KCNQ1: variants seen among roughly 807,000 people sequenced by gnomAD.
The protein encoded by KCNQ1 is potassium voltage-gated channel subfamily Q member 1.
A neutral mutation model predicts 72.4 loss-of-function variants in KCNQ1; 49 were observed. That is an observed-to-expected ratio of 0.68 (90% CI 0.54 to 0.86). KCNQ1 has a LOEUF of 0.86. Among genes scored for constraint, KCNQ1 ranks in the 40% least tolerant of loss-of-function variants. KCNQ1 has a pLI of 0.00. For synonymous variants in KCNQ1, 450 were observed against 412.6 expected (o/e 1.09, Z -1.10); for missense variants, 790 against 945.1 (o/e 0.84, Z 2.15).
chr11:2,692,238 C>G (rs1177302469), intron 11 of KCNQ1: 3 of 398,880 alleles, frequency 7.5e-6, no homozygotes, highest in African/African-American at 6.2e-5. Flanking sequence ...CCCATCACCT[C>G]AAGCCCATCA....
rs1846496161 is a variant in KCNQ1, at chr11:2,766,234, A to G, written c.1515-2610A>G. 6.6e-6 allele frequency among the ~76,000 whole-genome samples: 1 copy of G among 152,212 alleles called. No homozygotes were observed. The highest frequency in any genetic ancestry group is 1.5e-5 in the Non-Finnish European group (1 of 68,046). Reference sequence around the variant, plus strand: ...AAATATTCTGAAGCAAAGCACAATCATCTGTTAGCTCACAAATCTATGGGT... The same window carrying G: ...AAATATTCTGAAGCAAAGCACAATCGTCTGTTAGCTCACAAATCTATGGGT... On this transcript the variant is annotated intron_variant, in intron 11 of 15. Coordinates refer to ENST00000155840, the MANE Select transcript of KCNQ1 (RefSeq NM_000218.3). The surrounding 1 kb of genome is among the most constrained non-coding windows in gnomAD (Gnocchi z 4.4).
intron 11 of KCNQ1, among the ~76,000 whole-genome samples, chr11:2,740,828 C>T (rs558427376): frequency 6.6e-6 from 1 of 152,342 alleles, no homozygotes; most frequent in South Asian, 2.1e-4. Flanking sequence ...GGCCACGTCT[C>T]CTCCTCTGAC....
rs117194056 is a variant in KCNQ1 at position 2,731,983 on chromosome 11, G to A, written c.1515-36861G>A. On this transcript the variant is annotated intron_variant, in intron 11 of 15. Transcript: ENST00000155840. Reference sequence around the variant, plus strand: ...GCCGCCTTGCCAGCAGGGGACCAGCGAGGTGTGGCCTGCAAGCCGTGGGCT... The same window carrying A: ...GCCGCCTTGCCAGCAGGGGACCAGCAAGGTGTGGCCTGCAAGCCGTGGGCT... 3.5e-3 allele frequency among the ~76,000 whole-genome samples: 539 copies of A among 152,382 alleles called. 1 individual carries two copies. Among genetic ancestry groups the A allele is most frequent in the Non-Finnish European group, 6.7e-3 (454 of 68,044 alleles).
At chr11:2,646,681 C>T (rs1015443017) in intron 10 of KCNQ1, 25 of 398,482 alleles carry the variant, frequency 6.3e-5, no homozygotes, top group Middle Eastern at 6.2e-4. Flanking sequence ...CAGGCCACCA[C>T]GCCCAGCTCA....
chr11:2,527,282 C>T (rs908279567), intron 1 of KCNQ1, among the ~76,000 whole-genome samples: 2 of 152,280 alleles, frequency 1.3e-5, no homozygotes, highest in East Asian at 1.9e-4. Context: ...GGGAAGCAGA[C>T]GCTTGGTGCA....
At chr11:2,812,038 C>G (rs1368186726) in intron 15 of KCNQ1, among the ~76,000 whole-genome samples, 1 of 152,110 alleles carries the variant, frequency 6.6e-6, no homozygotes, top group Non-Finnish European at 1.5e-5. Flanking sequence ...CCGCCGGCCA[C>G]CCCTCAGCCC....
rs1848464531 is a variant in KCNQ1, at chr11:2,579,325, G to A, written c.922-4110G>A. Among the ~76,000 whole-genome samples the A allele has an allele frequency of 6.6e-6, 1 of 152,208 alleles. No individual in the cohort carries two copies. The highest frequency in any genetic ancestry group is 6.5e-5 in the Admixed American group (1 of 15,288). On this transcript the variant is annotated intron_variant, in intron 6 of 15. Transcript: ENST00000155840. This position sits in a 1 kb window ranked among gnomAD's most constrained non-coding sequence, Gnocchi z 6.0. The stretch of plus-strand genomic sequence containing the variant: ...GGAGTGAAGGCACAGGCCAGCAGGA[G>A]GGCGGGGGAAACACACTGACCAGTG...
chr11:2,624,068 G>A lies in KCNQ1; in HGVS notation c.1393+35214G>A. ...GAGTGTTCCTGTTGCCCCACATATT[G>A]GCAAGTATTTGGTATTGTCAGTGTT... On this transcript the variant is annotated intron_variant, in intron 10 of 15. Transcript: ENST00000155840. The surrounding 1 kb of genome is among the most constrained non-coding windows in gnomAD (Gnocchi z 4.9). 2 of 398,814 alleles carry A rather than the reference G, an allele frequency of 5.0e-6. No individual in the cohort carries two copies. Among genetic ancestry groups the A allele is most frequent in the Non-Finnish European group, 8.8e-6 (2 of 226,320 alleles). The allele number at this position is 398,814 out of a possible 1,614,324, so 24.7% of individuals were successfully genotyped here. A position where few individuals can be genotyped will look rare whatever the true frequency, so the allele number is the denominator to read the frequency against.
chr11:2,511,724 G>GT (rs1300929613), intron 1 of KCNQ1, among the ~76,000 whole-genome samples: 2 of 152,238 alleles, frequency 1.3e-5, no homozygotes, highest in African/African-American at 4.8e-5. Context: ...AGGCCCATGA[G>GT]TGACTCCTGG....
rs1213702745 is a variant in KCNQ1 at position 2,624,894 on chromosome 11, C to A, written c.1393+36040C>A. The A allele has an allele frequency of 1.3e-5, 5 of 398,368 alleles. No homozygotes were observed. Among genetic ancestry groups the A allele is most frequent in the Admixed American group, 4.4e-5 (1 of 22,696 alleles). The allele number at this position is 398,368 out of a possible 1,614,324, so 24.7% of individuals were successfully genotyped here. ...TAACATAATGGCCTCGAGGTTCATC[C>A]ATGTTGTGGCATGTGTCAAAATTTC... On this transcript the variant is annotated intron_variant, in intron 10 of 15. Transcript: ENST00000155840. This position sits in a 1 kb window ranked among gnomAD's most constrained non-coding sequence, Gnocchi z 4.9.
rs921438706 is a variant in KCNQ1, at chr11:2,457,614, G to A, written c.386+12130G>A. 1.3e-5 allele frequency among the ~76,000 whole-genome samples: 2 copies of A among 151,984 alleles called. No individual in the cohort carries two copies. The highest frequency in any genetic ancestry group is 1.3e-4 in the Admixed American group (2 of 15,264). ...CATAATGATGAGAACAAGAGACACT[G>A]GGGAATACAAGAGTGGGGAGGGGGG... On this transcript the variant is annotated intron_variant, in intron 1 of 15. Coordinates refer to ENST00000155840, the MANE Select transcript of KCNQ1 (RefSeq NM_000218.3). The surrounding 1 kb of genome is among the most constrained non-coding windows in gnomAD (Gnocchi z 5.0).
At chr11:2,771,420 A>T (rs1386511268) in intron 12 of KCNQ1, 1 of 152,188 alleles carries the variant, frequency 6.6e-6, no homozygotes, top group African/African-American at 2.4e-5. Context: ...CTGCAATTTC[A>T]TGTTGTTGGA....
At chr11:2,555,142 T>C (rs1034393639) in intron 2 of KCNQ1, among the ~76,000 whole-genome samples, 2 of 152,242 alleles carry the variant, frequency 1.3e-5, no homozygotes, top group Non-Finnish European at 2.9e-5. Flanking sequence ...GGTTCAACCC[T>C]GCGGCCTTCT....
At chr11:2,635,730 G>A (rs553737498) in intron 10 of KCNQ1, 10 of 152,282 alleles carry the variant, frequency 6.6e-5, no homozygotes, top group Non-Finnish European at 1.2e-4. Flanking sequence ...AAAGTCATTG[G>A]TAGCTTGATG....
chr11:2,597,051 C>A (rs1233427008), intron 10 of KCNQ1, among the ~76,000 whole-genome samples: 1 of 152,058 alleles, frequency 6.6e-6, no homozygotes, highest in Non-Finnish European at 1.5e-5. Context: ...TAAAACAGTT[C>A]ACAGAAAAGG....
Position 2,669,075 on chromosome 11 carries a change from G to C in KCNQ1, c.1514+6994G>C, listed in dbSNP as rs577007419. 2.5e-6 allele frequency: 1 copy of C among 398,570 alleles called. No homozygotes were observed. Among genetic ancestry groups the C allele is most frequent in the Non-Finnish European group, 4.4e-6 (1 of 226,110 alleles). The allele number at this position is 398,570 out of a possible 1,614,324, so 24.7% of individuals were successfully genotyped here. ...CCCGTCCTCTCCCAACTACCCTGCC[G>C]TATCAGTGTCTTTACAATCAGCTCA... On this transcript the variant is annotated intron_variant, in intron 11 of 15. Transcript: ENST00000155840. This position sits in a 1 kb window ranked among gnomAD's most constrained non-coding sequence, Gnocchi z 5.6.
rs556771548 is a variant in KCNQ1, at chr11:2,619,182, G to C, written c.1393+30328G>C. On this transcript the variant is annotated intron_variant, in intron 10 of 15. Coordinates refer to ENST00000155840, the MANE Select transcript of KCNQ1 (RefSeq NM_000218.3). ...TGTCTTTCATTTCTTTTTCTTGTCT[G>C]TTTGGTTGTACTAGTACTTCCAGTA... is the stretch of plus-strand genomic sequence containing the variant. The C allele has an allele frequency of 5.5e-5, 22 of 398,278 alleles. No individual in the cohort carries two copies. In the Middle Eastern group the frequency reaches 2.5e-3, roughly 45 times the overall value. 24.7% of individuals were successfully genotyped at this position (398,278 alleles called of 1,614,324 possible). A position where few individuals can be genotyped will look rare whatever the true frequency, so the allele number is the denominator to read the frequency against.
chr11:2,763,416 T>TAAGA (rs933547133), intron 11 of KCNQ1, among the ~76,000 whole-genome samples: 2,240 of 128,140 alleles, frequency 0.017, 91 homozygotes, highest in East Asian at 0.14. Flanking sequence ...AAAAAAAAAA[T>TAAGA]AAGAAAGAAA....
At position 2,673,445 on chromosome 11, in the gene KCNQ1, G is replaced by A; in HGVS notation, c.1514+11364G>A. 2.5e-6 allele frequency: 1 copy of A among 398,642 alleles called. No individual in the cohort carries two copies. Among genetic ancestry groups the A allele is most frequent in the Non-Finnish European group, 4.4e-6 (1 of 226,086 alleles). 24.7% of individuals were successfully genotyped at this position (398,642 alleles called of 1,614,324 possible). A position where few individuals can be genotyped will look rare whatever the true frequency, so the allele number is the denominator to read the frequency against. On this transcript the variant is annotated intron_variant, in intron 11 of 15. Transcript: ENST00000155840. This position sits in a 1 kb window ranked among gnomAD's most constrained non-coding sequence, Gnocchi z 4.5. ...GCCTGGAGGTTCCAACTTGGTGTTG[G>A]GCCTCCTTGAGCCGGAACACCTGAA...
Sources: gnomAD v4.1 joint callset for allele counts (sites outside exome capture counted in the v4.1 genomes callset) on GRCh38, gnomAD v4.1.1 for gene constraint, Gnocchi (gnomAD v3.1) non-coding constraint, MANE v1.5 for transcripts, NCBI Gene and HGNC (gene_info 2026-07-23, HGNC 2026-07-21) for gene names.